Variants in DYNC2H1 observed in about 807,000 individuals in gnomAD.
DYNC2H1 encodes the protein cytoplasmic dynein 2 heavy chain 1.
In DYNC2H1, 410 loss-of-function variants were observed where a neutral mutation model predicts 570.0. The observed-to-expected ratio is 0.72, with a 90% CI of 0.66 to 0.78. The LOEUF (loss-of-function observed/expected upper bound fraction) is 0.78. Ranked by LOEUF, DYNC2H1 falls within the 30% of genes least tolerant of loss-of-function variation. The pLI is 0.00. For missense variants in DYNC2H1, 4,865 were observed against 5,046.4 expected (o/e 0.96, Z 1.09); for synonymous variants, 1,688 against 1,677.6 (o/e 1.01, Z -0.15).
intron 54 of DYNC2H1, among the ~76,000 whole-genome samples, chr11:103,212,801 A>G (rs1012932941): frequency 2.6e-5 from 4 of 152,090 alleles, no homozygotes; most frequent in African/African-American, 7.2e-5. Context: ...GGTACTAACT[A>G]TACGGGCTTT....
chr11:103,431,548 G>A (rs1423765188), intron 84 of DYNC2H1, among the ~76,000 whole-genome samples: 1 of 152,108 alleles, frequency 6.6e-6, no homozygotes, highest in African/African-American at 2.4e-5. Flanking sequence ...AGTAATTGCA[G>A]TTTTGGACCA....
intron 70 of DYNC2H1, among the ~76,000 whole-genome samples, chr11:103,274,958 G>A (rs1291078639): frequency 6.6e-6 from 1 of 152,080 alleles, no homozygotes; most frequent in Admixed American, 6.5e-5. Flanking sequence ...AGCCAGGTGT[G>A]GTGGCGGGCA....
At chr11:103,115,516 G>T (rs537057443) in intron 4 of DYNC2H1, among the ~76,000 whole-genome samples, 1 of 152,082 alleles carries the variant, frequency 6.6e-6, no homozygotes, top group African/African-American at 2.4e-5. Context: ...ACAAAATTAC[G>T]CCTGGGCATG....
chr11:103,464,804 T>C (rs1025664174), intron 87 of DYNC2H1, among the ~76,000 whole-genome samples: 1 of 152,122 alleles, frequency 6.6e-6, no homozygotes, highest in Admixed American at 6.5e-5. Flanking sequence ...GAAAGCAATA[T>C]TGAAACATGT....
At chr11:103,401,231 T>G (rs1482697551) in intron 84 of DYNC2H1, among the ~76,000 whole-genome samples, 1 of 152,182 alleles carries the variant, frequency 6.6e-6, no homozygotes, top group Non-Finnish European at 1.5e-5. Flanking sequence ...TCTGGGTATG[T>G]CCTGTTGTCA....
chr11:103,226,447 G>A (rs556841626), intron 59 of DYNC2H1, among the ~76,000 whole-genome samples: 27 of 152,140 alleles, frequency 1.8e-4, no homozygotes, highest in Non-Finnish European at 3.8e-4. Context: ...TTTGTTAAAT[G>A]CTTTTTCTGT....
Position 103,256,075 on chromosome 11 carries a change from A to C in DYNC2H1, c.10327-31A>C, listed in dbSNP as rs901589574. ...TTAATTGGTTATTTTTATATGTATA[A>C]TAATATTCATATTGTTAACTTTCCC... is the stretch of plus-strand genomic sequence containing the variant. On this transcript the variant is annotated intron_variant, in intron 67 of 88. Transcript: ENST00000375735. The surrounding 1 kb of genome is among the most constrained non-coding windows in gnomAD (Gnocchi z 4.0). 1 of 1,543,552 alleles carries C rather than the reference A, an allele frequency of 6.5e-7. No individual in the cohort carries two copies.
At chr11:103,235,877 C>G in intron 62 of DYNC2H1, 64 bp downstream of exon 62, 1 of 1,580,876 alleles carries the variant, frequency 6.3e-7, no homozygotes, top group Non-Finnish European at 8.6e-7. Flanking sequence ...TTTAAAATTT[C>G]AATATACTAA....
At chr11:103,278,044 A>T (rs1359620978) in intron 70 of DYNC2H1, among the ~76,000 whole-genome samples, 1 of 152,158 alleles carries the variant, frequency 6.6e-6, no homozygotes, top group Non-Finnish European at 1.5e-5. Context: ...TAAGGCAGCC[A>T]TAGCTGGTTT....
chr11:103,414,503 C>G (rs1441963271), intron 84 of DYNC2H1, among the ~76,000 whole-genome samples: 1 of 152,078 alleles, frequency 6.6e-6, no homozygotes, highest in African/African-American at 2.4e-5. Context: ...CCTGTAATCC[C>G]AGCTACTCGG....
In DYNC2H1 at chr11:103,151,014, T is replaced by C. The variant is rs1363647634; in HGVS notation, c.2947-1122T>C. 6.6e-6 allele frequency among the ~76,000 whole-genome samples: 1 copy of C among 152,178 alleles called. No individual in the cohort carries two copies. The highest frequency in any genetic ancestry group is 1.5e-5 in the Non-Finnish European group (1 of 68,034). ...CTGGATTTTATATAGCAAAGTATTA[T>C]ATAATTCTCTTTTGGTATGTCTATT... is the stretch of plus-strand genomic sequence containing the variant. On this transcript the variant is annotated intron_variant, in intron 20 of 88. Coordinates refer to ENST00000375735, the MANE Select transcript of DYNC2H1 (RefSeq NM_001377.3). This position sits in a 1 kb window ranked among gnomAD's most constrained non-coding sequence, Gnocchi z 4.6.
At position 103,135,516 on chromosome 11, in the gene DYNC2H1, C is replaced by T. The variant is rs1315498290; in HGVS notation, c.2227C>T (p.His743Tyr). 3 of 1,573,356 alleles carry T rather than the reference C, an allele frequency of 1.9e-6. No individual in the cohort carries two copies. Among genetic ancestry groups the T allele is most frequent in the Middle Eastern group, 1.7e-4 (1 of 5,932 alleles). The change falls in exon 16 of 89, where the codon CAT becomes TAT. Residue 743 changes from histidine to tyrosine, a missense_variant. His to Tyr is a moderately conservative substitution (Grantham distance 83). Coordinates refer to ENST00000375735, the MANE Select transcript of DYNC2H1 (RefSeq NM_001377.3). Reference protein sequence around the residue: ...EAQGFQASDMHAWKQHWNHQL... With the variant: ...EAQGFQASDMYAWKQHWNHQL... Reference sequence around the variant, plus strand: ...TTAGGGATTCCAAGCAAGTGACATGCATGCATGGAAACAACACTGGAATCA... The same window carrying T: ...TTAGGGATTCCAAGCAAGTGACATGTATGCATGGAAACAACACTGGAATCA...
At chr11:103,127,875 T>A (rs775912112) in intron 12 of DYNC2H1, among the ~76,000 whole-genome samples, 1 of 152,236 alleles carries the variant, frequency 6.6e-6, no homozygotes, top group African/African-American at 2.4e-5. Context: ...TAATGCAGTG[T>A]TAGGCAGTGA....
chr11:103,373,866 T>C (rs1328281725), intron 83 of DYNC2H1, among the ~76,000 whole-genome samples: 1 of 152,208 alleles, frequency 6.6e-6, no homozygotes, highest in African/African-American at 2.4e-5. Context: ...TTGGTGCTTT[T>C]CTGTTGGGTG....
At chr11:103,117,543 TAAA>T in intron 5 of DYNC2H1, 85 bp from the exon 6 acceptor site, 1 of 1,118,930 alleles carries the variant, frequency 8.9e-7, no homozygotes, top group South Asian at 2.3e-5. Context: ...TTGTATATTT[TAAA>T]AATATTGTCA....
At chr11:103,370,508 C>G (rs538337511) in intron 83 of DYNC2H1, among the ~76,000 whole-genome samples, 13 of 152,220 alleles carry the variant, frequency 8.5e-5, no homozygotes, top group African/African-American at 2.4e-4. Context: ...TTACTGCAGG[C>G]CTTGGCAAGA....
Position 103,116,717 on chromosome 11 carries a change from A to C in DYNC2H1, c.766+3A>C. 1 of 1,576,638 alleles carries C rather than the reference A, an allele frequency of 6.3e-7. No homozygotes were observed. The highest frequency in any genetic ancestry group is 1.9e-5 in the Admixed American group (1 of 53,396). ...GTTGCATCTCTTAGACATCATAGGT[A>C]CTAGTAAAAAAATGAACTTTTGGAA... On this transcript the variant is annotated splice_donor_region_variant and intron_variant, in intron 5 of 88. Transcript: ENST00000375735.
intron 83 of DYNC2H1, among the ~76,000 whole-genome samples, chr11:103,361,364 T>C (rs1940629505): frequency 6.6e-6 from 1 of 152,200 alleles, no homozygotes; most frequent in Non-Finnish European, 1.5e-5. Context: ...GCTCACCAAA[T>C]ACAGAATCTG....
At chr11:103,342,304 C>T (rs1939487653) in intron 82 of DYNC2H1, among the ~76,000 whole-genome samples, 1 of 152,084 alleles carries the variant, frequency 6.6e-6, no homozygotes, top group Non-Finnish European at 1.5e-5. Context: ...ATGGACCAAT[C>T]AGCACCCTAT....
Sources: gnomAD v4.1 joint callset for allele counts (sites outside exome capture counted in the v4.1 genomes callset) on GRCh38, gnomAD v4.1.1 for gene constraint, Gnocchi (gnomAD v3.1) non-coding constraint, MANE v1.5 for transcripts, NCBI Gene and HGNC (gene_info 2026-07-23, HGNC 2026-07-21) for gene names.